PIK3R3: variants seen among roughly 807,000 people sequenced by gnomAD.
PIK3R3 encodes the protein phosphatidylinositol 3-kinase regulatory subunit gamma.
In PIK3R3, 64 loss-of-function variants were observed where a neutral mutation model predicts 62.9. That is an observed-to-expected ratio of 1.02 (90% confidence interval 0.83 to 1.25). PIK3R3 has a LOEUF of 1.25. Among genes scored for constraint, PIK3R3 ranks in the 50% most tolerant of loss-of-function variants. The pLI is 0.00. For missense variants in PIK3R3, 614 were observed against 561.6 expected (o/e 1.09, Z -0.94); for synonymous variants, 165 against 189.0 (o/e 0.87, Z 1.04).
At chr1:46,169,506 G>A in the PIK3R3 span, among the ~76,000 whole-genome samples, 8,295 of 152,208 alleles carry the variant, frequency 0.054, 318 homozygotes, top group Middle Eastern at 0.071. Flanking sequence ...ACAAAAGCAG[G>A]AATATACAAT....
At chr1:46,051,014 A>C (rs545696487) in intron 7 of PIK3R3, among the ~76,000 whole-genome samples, 88 of 152,336 alleles carry the variant, frequency 5.8e-4, no homozygotes, top group African/African-American at 2.0e-3. Context: ...TAGACACAGA[A>C]AGTGGATTAG....
At chr1:46,116,259 C>T (rs559223486) in intron 1 of PIK3R3, among the ~76,000 whole-genome samples, 1 of 152,110 alleles carries the variant, frequency 6.6e-6, no homozygotes, top group East Asian at 1.9e-4. Flanking sequence ...GCCTATAATC[C>T]CACTGCTTTG....
the PIK3R3 span, among the ~76,000 whole-genome samples, chr1:46,164,331 T>C: frequency 1.3e-5 from 2 of 152,094 alleles, no homozygotes; most frequent in Non-Finnish European, 2.9e-5. Flanking sequence ...CACCAAGACC[T>C]GTCACTTTTA....
intron 1 of PIK3R3, among the ~76,000 whole-genome samples, chr1:46,082,787 G>A (rs1348972770): frequency 5.9e-5 from 9 of 152,078 alleles, no homozygotes; most frequent in South Asian, 2.1e-4. Context: ...TTAGTTGGCC[G>A]GGTACGGTGG....
At chr1:46,075,242 T>C (rs952497031) in intron 3 of PIK3R3, among the ~76,000 whole-genome samples, 1 of 152,200 alleles carries the variant, frequency 6.6e-6, no homozygotes, top group Non-Finnish European at 1.5e-5. Flanking sequence ...AGTAGGGTCC[T>C]TAGCATTTTT....
chr1:46,114,889 A>G (rs1398335546), intron 1 of PIK3R3, among the ~76,000 whole-genome samples: 1 of 149,154 alleles, frequency 6.7e-6, no homozygotes, highest in African/African-American at 2.5e-5. Flanking sequence ...TGCTGGGATT[A>G]CAGGCATGAG....
chr1:46,081,504 G>A (rs1270223674), intron 1 of PIK3R3, among the ~76,000 whole-genome samples: 4 of 152,146 alleles, frequency 2.6e-5, no homozygotes, highest in Non-Finnish European at 5.9e-5. Flanking sequence ...CTGCACATGT[G>A]AGGGATCGAG....
In PIK3R3 at chr1:46,055,794, C is replaced by CA; in HGVS notation, c.941dup (p.Trp315MetfsTer19). On this transcript the variant is annotated frameshift_variant and splice_region_variant. Transcript: ENST00000262741. LOFTEE classifies it high-confidence loss of function. ...TCCCCATACACTCCCAGACTACTTA[C>CA]ACAAGGTGTTGATCTCGGATCTTTC... 6.3e-7 allele frequency: 1 copy of CA among 1,582,422 alleles called. No individual in the cohort carries two copies. The highest frequency in any genetic ancestry group is 1.8e-5 in the Admixed American group (1 of 56,212).
At chr1:46,067,125 T>G (rs1357278669) in intron 3 of PIK3R3, 34 bp from the exon 4 acceptor site, 1 of 1,480,506 alleles carries the variant, frequency 6.8e-7, no homozygotes, top group Non-Finnish European at 9.1e-7. Flanking sequence ...GTGGATTTTT[T>G]TCCCCCAAAT....
intron 1 of PIK3R3, among the ~76,000 whole-genome samples, chr1:46,130,693 G>A (rs977683722): frequency 6.6e-6 from 1 of 152,088 alleles, no homozygotes; most frequent in African/African-American, 2.4e-5. Context: ...CAAAAATACA[G>A]TCTTATAATA....
intron 3 of PIK3R3, among the ~76,000 whole-genome samples, chr1:46,073,315 A>G (rs1292848176): frequency 2.0e-5 from 3 of 152,152 alleles, no homozygotes; most frequent in South Asian, 2.1e-4. Context: ...AAATTTTTCA[A>G]TTGAGTGACT....
chr1:46,063,442 T>C (rs906373142), intron 5 of PIK3R3, among the ~76,000 whole-genome samples: 1 of 152,232 alleles, frequency 6.6e-6, no homozygotes, highest in Non-Finnish European at 1.5e-5. Context: ...GTACTAATTC[T>C]ACAACTCTTA....
chr1:46,132,889 C>T, upstream of PIK3R3: 2 of 1,192,656 alleles, frequency 1.7e-6, no homozygotes, highest in Non-Finnish European at 2.1e-6. Context: ...ATCAGCCATC[C>T]GCGCTCTCCC....
chr1:46,109,848 G>A lies in PIK3R3; in HGVS notation c.106+21999C>T, dbSNP rs1193379721. On this transcript the variant is annotated intron_variant, in intron 1 of 9. Coordinates refer to ENST00000262741, the MANE Select transcript of PIK3R3 (RefSeq NM_003629.4). ...TTTCAAATCTAACCATAATGGTTTA[G>A]CACACTATGTTTCAAGAGTTCCACC... Among the ~76,000 whole-genome samples, 12 of 152,196 alleles carry A rather than the reference G, an allele frequency of 7.9e-5. 1 individual carries two copies. The highest frequency in any genetic ancestry group is 4.1e-4 in the South Asian group (2 of 4,826).
At chr1:46,134,361 G>T (rs749482266), upstream of PIK3R3, among the ~76,000 whole-genome samples, 1 of 152,218 alleles carries the variant, frequency 6.6e-6, no homozygotes, top group Non-Finnish European at 1.5e-5. Flanking sequence ...TATATGGACT[G>T]GGTATAGAGT....
At chr1:46,155,760 C>A in the PIK3R3 span, among the ~76,000 whole-genome samples, 2 of 152,078 alleles carry the variant, frequency 1.3e-5, no homozygotes, top group Non-Finnish European at 2.9e-5. Context: ...CCATGCCCAG[C>A]CTAATTTTTT....
chr1:46,162,639 C>T, the PIK3R3 span, among the ~76,000 whole-genome samples: 4 of 151,714 alleles, frequency 2.6e-5, no homozygotes, highest in Non-Finnish European at 5.9e-5. Context: ...TTTATTTTTC[C>T]GAGACAGAGT....
intron 1 of PIK3R3, among the ~76,000 whole-genome samples, chr1:46,093,008 G>A (rs1191310993): frequency 6.6e-6 from 1 of 152,168 alleles, no homozygotes. Context: ...CCAACCATAA[G>A]TGGACCCTCA....
rs142939414 is a variant in PIK3R3, at chr1:46,118,651, G to A, written c.106+13196C>T. ...GCTCACTGCAACCTCTGCCTCCCGG[G>A]TTCAAGCGATTCTGCTGCCTCAGCC... is the stretch of plus-strand genomic sequence containing the variant. On this transcript the variant is annotated intron_variant, in intron 1 of 9. Transcript: ENST00000262741. Among the ~76,000 whole-genome samples the A allele has an allele frequency of 3.6e-3, 546 of 151,262 alleles. 2 individuals are homozygous for A. Among genetic ancestry groups the A allele is most frequent in the Non-Finnish European group, 3.9e-3 (265 of 67,846 alleles).
Sources: allele counts gnomAD v4.1 joint callset (sites outside exome capture counted in the v4.1 genomes callset), GRCh38; gene constraint gnomAD v4.1.1; transcripts MANE v1.5; gene names NCBI Gene and HGNC (gene_info 2026-07-23, HGNC 2026-07-21).